Variants in GHR observed in about 807,000 individuals in gnomAD.
GHR encodes growth hormone receptor.
In GHR, 35 loss-of-function variants were observed where a neutral mutation model predicts 67.1. That is an observed-to-expected ratio of 0.52 (90% CI 0.40 to 0.69). The LOEUF (loss-of-function observed/expected upper bound fraction) is 0.69, where lower values mean the gene tolerates loss of function less well. GHR is among the 30% of genes least tolerant of loss of function. GHR has a pLI of 0.00. For missense variants in GHR, 792 were observed against 764.6 expected, an observed-to-expected ratio of 1.04 and a Z score of -0.42; for synonymous variants, 272 against 269.1, an observed-to-expected ratio of 1.01 and a Z score of -0.10.
intron 2 of GHR, among the ~76,000 whole-genome samples, chr5:42,578,026 C>A (rs190398444): frequency 2.4e-3 from 359 of 152,190 alleles, no homozygotes; most frequent in African/African-American, 8.4e-3. Context: ...TTTCAGAAAG[C>A]AAGGGGCTAA....
At chr5:42,546,977 G>T (rs1179184820) in intron 1 of GHR, among the ~76,000 whole-genome samples, 1 of 152,212 alleles carries the variant, frequency 6.6e-6, no homozygotes, top group African/African-American at 2.4e-5. Flanking sequence ...TGGGGATCAG[G>T]TGTTTATGGA....
rs57962722 is a variant in GHR, at chr5:42,540,183, T to TTCTCTCTCTC, written c.-11-25653_-11-25644dup. On this transcript the variant is annotated intron_variant, in intron 1 of 9. Transcript: ENST00000230882. ...TACTTGAATGGGATGTGTTACTGTA[T>TTCTCTCTCTC]TCTCTCTCTCTCTCTCTCTCTCTCT... Among the ~76,000 whole-genome samples the TTCTCTCTCTC allele has an allele frequency of 1.9e-3, 281 of 144,488 alleles. 4 individuals are homozygous for TTCTCTCTCTC. Among genetic ancestry groups the TTCTCTCTCTC allele is most frequent in the South Asian group, 3.9e-3 (17 of 4,310 alleles). The allele number at this position is 144,488 out of a possible 152,430, so 94.8% of individuals were successfully genotyped here. A position where few individuals can be genotyped will look rare whatever the true frequency, so the allele number is the denominator to read the frequency against.
intron 1 of GHR, among the ~76,000 whole-genome samples, chr5:42,485,183 T>C (rs1366944898): frequency 1.3e-5 from 2 of 152,224 alleles, no homozygotes; most frequent in African/African-American, 4.8e-5. Context: ...GGTCTTGCTG[T>C]TATAAATTCA....
intron 2 of GHR, among the ~76,000 whole-genome samples, chr5:42,575,950 C>T (rs991261223): frequency 3.3e-5 from 5 of 151,322 alleles, no homozygotes; most frequent in Non-Finnish European, 4.4e-5. Context: ...AGGGGAATTG[C>T]TTGAACCCAG....
chr5:42,694,797 A>G (rs942050322), intron 4 of GHR, 120 bp from the exon 5 acceptor site: 1 of 791,800 alleles, frequency 1.3e-6, no homozygotes, highest in East Asian at 2.4e-5. Context: ...TTACTAAAAT[A>G]CCTCTTCACA....
intron 1 of GHR, among the ~76,000 whole-genome samples, chr5:42,546,369 C>T (rs1056690366): frequency 9.2e-5 from 14 of 152,138 alleles, no homozygotes; most frequent in Admixed American, 3.3e-4. Context: ...TCTAGATAGC[C>T]CTCATCCATG....
intron 2 of GHR, among the ~76,000 whole-genome samples, chr5:42,597,604 G>T (rs886179654): frequency 3.3e-5 from 5 of 152,126 alleles, no homozygotes; most frequent in African/African-American, 1.2e-4. Flanking sequence ...TCTTTCAGTG[G>T]CCAGGGAAAT....
In GHR at chr5:42,424,099, A is replaced by T. The variant is rs1742733681; in HGVS notation, c.-12+144A>T. The T allele has an allele frequency of 1.8e-5, 3 of 163,658 alleles. No homozygotes were observed. Among genetic ancestry groups the T allele is most frequent in the African/African-American group, 7.2e-5 (3 of 41,566 alleles). 10.1% of individuals were successfully genotyped at this position (163,658 alleles called of 1,614,324 possible). On this transcript the variant is annotated intron_variant, in intron 1 of 9. Transcript: ENST00000230882. This position sits in a 1 kb window ranked among gnomAD's most constrained non-coding sequence, Gnocchi z 4.1. ...TTACACGGATAATTTTTTATTCCGG[A>T]TGACTTGGCTGTGCTCCCCTCCTCC... is the stretch of plus-strand genomic sequence containing the variant.
chr5:42,676,465 G>A (rs1580179389), intron 3 of GHR, among the ~76,000 whole-genome samples: 1 of 152,104 alleles, frequency 6.6e-6, no homozygotes, highest in African/African-American at 2.4e-5. Flanking sequence ...TGTCCAAAAA[G>A]AAAATATTTT....
intron 1 of GHR, among the ~76,000 whole-genome samples, chr5:42,486,806 C>T (rs1745904060): frequency 6.7e-6 from 1 of 148,310 alleles, no homozygotes; most frequent in Admixed American, 6.7e-5. Context: ...GAGATCGCGC[C>T]ACTGCACTCC....
intron 2 of GHR, among the ~76,000 whole-genome samples, chr5:42,607,177 C>T (rs547062186): frequency 6.6e-6 from 1 of 152,246 alleles, no homozygotes; most frequent in African/African-American, 2.4e-5. Context: ...GTTTCCTGAG[C>T]CCTCCCCAGC....
chr5:42,549,451 A>G (rs574536019), intron 1 of GHR: 1 of 152,538 alleles, frequency 6.6e-6, no homozygotes, highest in East Asian at 1.9e-4. Flanking sequence ...ATAAGGGTTT[A>G]TTAAGGCTGT....
chr5:42,549,905 A>G (rs1748927856), intron 1 of GHR, among the ~76,000 whole-genome samples: 1 of 152,200 alleles, frequency 6.6e-6, no homozygotes, highest in Non-Finnish European at 1.5e-5. Context: ...TTTGGAGTAA[A>G]TTTCTTTCTT....
intron 1 of GHR, among the ~76,000 whole-genome samples, chr5:42,452,594 A>T (rs936624408): frequency 7.2e-5 from 11 of 152,228 alleles, no homozygotes; most frequent in Non-Finnish European, 1.6e-4. Context: ...GTTCATTTTT[A>T]AAAATTCTTT....
intron 1 of GHR, among the ~76,000 whole-genome samples, chr5:42,443,964 T>TATAGATATAG (rs1743696796): frequency 2.0e-5 from 3 of 149,146 alleles, no homozygotes; most frequent in African/African-American, 7.5e-5. Flanking sequence ...TATAGATAGA[T>TATAGATATAG]ATAGATATAG....
At chr5:42,527,303 C>A (rs1034064105) in intron 1 of GHR, among the ~76,000 whole-genome samples, 1 of 152,088 alleles carries the variant, frequency 6.6e-6, no homozygotes, top group Non-Finnish European at 1.5e-5. Flanking sequence ...AAAAGAAAGA[C>A]CCAATGGTAT....
chr5:42,574,036 T>A (rs2112512697), intron 2 of GHR, among the ~76,000 whole-genome samples: 1 of 152,352 alleles, frequency 6.6e-6, no homozygotes, highest in East Asian at 1.9e-4. Flanking sequence ...GAGGTCATTT[T>A]TCAGGGGAGG....
chr5:42,493,851 G>A (rs1746213640), intron 1 of GHR, among the ~76,000 whole-genome samples: 1 of 152,140 alleles, frequency 6.6e-6, no homozygotes, highest in Non-Finnish European at 1.5e-5. Context: ...TAGTCATGCT[G>A]CAAACCCTCC....
intron 2 of GHR, among the ~76,000 whole-genome samples, chr5:42,578,423 A>G (rs1002917637): frequency 1.3e-5 from 2 of 152,196 alleles, no homozygotes; most frequent in African/African-American, 4.8e-5. Context: ...CAGATGATGG[A>G]GACCCATAAA....
Sources: allele counts gnomAD v4.1 joint callset (sites outside exome capture counted in the v4.1 genomes callset), GRCh38; gene constraint gnomAD v4.1.1; non-coding constraint Gnocchi (gnomAD v3.1); transcripts MANE v1.5; gene names NCBI Gene and HGNC (gene_info 2026-07-23, HGNC 2026-07-21).